The following CDH9 variants were observed in gnomAD, a reference collection of about 807,000 sequenced individuals.
CDH9 encodes cadherin-9.
In CDH9, 28 loss-of-function variants were observed where a neutral mutation model predicts 70.9. That is an observed-to-expected ratio of 0.40 (90% CI 0.29 to 0.54). The LOEUF (loss-of-function observed/expected upper bound fraction) is 0.54, where lower values mean the gene tolerates loss of function less well. CDH9 is among the 20% of genes least tolerant of loss of function. The pLI, the probability that CDH9 is intolerant of heterozygous loss-of-function variation, is 0.59. For missense variants in CDH9, 874 were observed against 984.4 expected (o/e 0.89, Z 1.50); for synonymous variants, 409 against 343.1 (o/e 1.19, Z -2.12).
chr5:26,932,107 C>T (rs935223706), intron 2 of CDH9, among the ~76,000 whole-genome samples: 1 of 139,218 alleles, frequency 7.2e-6, no homozygotes, highest in African/African-American at 2.6e-5. Flanking sequence ...AGTGTTATTA[C>T]TTTTCAAATA....
chr5:26,915,941 A>G lies in CDH9; in HGVS notation c.229-17T>C. Reference sequence around the variant, plus strand: ...AGTGTGAAGCTTTAGAGAGGTAGAAAAGAAGAGTTCTGTAAATATATACAT... The same window carrying G: ...AGTGTGAAGCTTTAGAGAGGTAGAAGAGAAGAGTTCTGTAAATATATACAT... On this transcript the variant is annotated splice_polypyrimidine_tract_variant and intron_variant, in intron 2 of 11. Coordinates refer to ENST00000231021, the MANE Select transcript of CDH9 (RefSeq NM_016279.4). 6.5e-7 allele frequency: 1 copy of G among 1,547,612 alleles called. No homozygotes were observed. Among genetic ancestry groups the G allele is most frequent in the East Asian group, 2.3e-5 (1 of 44,384 alleles).
At chr5:26,882,877 T>G in intron 11 of CDH9, among the ~76,000 whole-genome samples, 1 of 151,316 alleles carries the variant, frequency 6.6e-6, no homozygotes, top group Admixed American at 6.6e-5. Flanking sequence ...GTGAGGCCCC[T>G]ATAACTACAC....
rs1395936852 is a variant in CDH9 at position 26,915,634 on chromosome 5, T to C, written c.519A>G (p.Gly173=). Residue 173 remains glycine (G), a synonymous_variant, in exon 3 of 12, where the codon GGA becomes GGG. Transcript: ENST00000231021. ...LYTASVPEMS[G]VGTSVIQVTA... Reference sequence around the variant, plus strand: ...CATGGATTAGAATATACCTACCGACTCCAGACATTTCAGGAACACTGGCAG... The same window carrying C: ...CATGGATTAGAATATACCTACCGACCCCAGACATTTCAGGAACACTGGCAG... 2 of 1,577,874 alleles carry C rather than the reference T, an allele frequency of 1.3e-6. No homozygotes were observed. Among genetic ancestry groups the C allele is most frequent in the Admixed American group, 3.3e-5 (2 of 59,872 alleles).
chr5:26,987,091 C>CTTTT (rs201154706), intron 2 of CDH9, among the ~76,000 whole-genome samples: 9 of 108,262 alleles, frequency 8.3e-5, no homozygotes, highest in East Asian at 3.3e-4. Context: ...CACTTGTATT[C>CTTTT]TTTTTTTTTT....
chr5:26,897,737 C>A (rs1203193794), intron 7 of CDH9, among the ~76,000 whole-genome samples: 1 of 152,186 alleles, frequency 6.6e-6, no homozygotes, highest in African/African-American at 2.4e-5. Flanking sequence ...AGGCTGGAAA[C>A]ATTCCCTTTG....
chr5:26,883,070 T>C (rs1470962368), intron 11 of CDH9, among the ~76,000 whole-genome samples: 3 of 127,798 alleles, frequency 2.3e-5, no homozygotes, highest in Non-Finnish European at 5.0e-5. Flanking sequence ...TATATATATA[T>C]ATATATATAT....
chr5:26,902,500 G>T lies in CDH9; in HGVS notation c.1229C>A (p.Pro410Gln), dbSNP rs1349538432. The stretch of plus-strand genomic sequence containing the variant: ...CTTTATTAAATTGTTCCTGGCATCT[G>T]GATCGTATGCTGTAACCTGTCCAAT... ...SIIGQVTAYDPDARNNLIKYS... is the reference protein window; with the variant it reads ...SIIGQVTAYDQDARNNLIKYS... The change falls in exon 7 of 12, where the codon CCA becomes CAA. Residue 410 changes from proline to glutamine, a missense_variant. Pro to Gln is a moderately conservative substitution (Grantham distance 76, BLOSUM62 -1). Coordinates refer to ENST00000231021, the MANE Select transcript of CDH9 (RefSeq NM_016279.4). The T allele has an allele frequency of 1.0e-5, 16 of 1,603,788 alleles. No individual in the cohort carries two copies. In the African/African-American group the frequency reaches 1.3e-4, roughly 13 times the overall value.
At chr5:26,938,414 C>T (rs559661454) in intron 2 of CDH9, among the ~76,000 whole-genome samples, 252 of 151,944 alleles carry the variant, frequency 1.7e-3, no homozygotes, top group Non-Finnish European at 2.5e-3. Flanking sequence ...TTGCTCAACA[C>T]ATTATGCTTT....
chr5:26,976,979 T>C (rs1174158889), intron 2 of CDH9, among the ~76,000 whole-genome samples: 4 of 152,004 alleles, frequency 2.6e-5, no homozygotes, highest in Non-Finnish European at 5.9e-5. Context: ...TAAATGAAGA[T>C]TTCAGAATCT....
At chr5:26,948,745 G>C (rs1292335316) in intron 2 of CDH9, among the ~76,000 whole-genome samples, 1 of 152,212 alleles carries the variant, frequency 6.6e-6, no homozygotes, top group Non-Finnish European at 1.5e-5. Context: ...AGAGAAGTGT[G>C]TTAATCAATA....
intron 2 of CDH9, among the ~76,000 whole-genome samples, chr5:26,987,485 A>G (rs543620855): frequency 2.1e-4 from 32 of 152,110 alleles, no homozygotes; most frequent in South Asian, 1.2e-3. Context: ...CTAAACACCA[A>G]TGAAAGAGAG....
At chr5:26,883,428 C>T (rs62346376) in intron 11 of CDH9, among the ~76,000 whole-genome samples, 49,833 of 151,226 alleles carry the variant, frequency 0.33, 8,722 homozygotes, top group Middle Eastern at 0.52. Context: ...TAATCTGGGG[C>T]ACGTGAACAG....
At chr5:26,967,081 C>T (rs1007756869) in intron 2 of CDH9, among the ~76,000 whole-genome samples, 1 of 151,896 alleles carries the variant, frequency 6.6e-6, no homozygotes, top group Non-Finnish European at 1.5e-5. Context: ...CACATACATG[C>T]CACACCACGC....
intron 1 of CDH9, among the ~76,000 whole-genome samples, chr5:27,012,698 T>C (rs1271620764): frequency 1.3e-5 from 2 of 152,044 alleles, no homozygotes; most frequent in Non-Finnish European, 2.9e-5. Flanking sequence ...AAGTATCCCT[T>C]GGTTTCAAAG....
At chr5:27,035,699 TGTGTGTGTGTGG>T (rs1743380942) in intron 1 of CDH9, among the ~76,000 whole-genome samples, 7 of 150,866 alleles carry the variant, frequency 4.6e-5, no homozygotes, top group Non-Finnish European at 7.4e-5. Context: ...TGTGTGTGTG[TGTGTGTGTGTGG>T]GTGTGTGTGG....
chr5:27,010,676 A>G (rs1433331367), intron 1 of CDH9, among the ~76,000 whole-genome samples: 1 of 152,100 alleles, frequency 6.6e-6, no homozygotes, highest in Admixed American at 6.6e-5. Context: ...ATTCATCTTC[A>G]TCTTTTTAGA....
rs182847464 is a variant in CDH9 at position 26,991,090 on chromosome 5, A to G, written c.-49-2708T>C. ...TAGAAAAGATCAACTGGTGCAGACT[A>G]GAAAATAGGTTAGAGGGCAGGAAAG... On this transcript the variant is annotated intron_variant, in intron 1 of 11. Coordinates refer to ENST00000231021, the MANE Select transcript of CDH9 (RefSeq NM_016279.4). 3.2e-4 allele frequency among the ~76,000 whole-genome samples: 48 copies of G among 152,296 alleles called. 1 individual carries two copies. Among genetic ancestry groups the G allele is most frequent in the African/African-American group, 9.1e-4 (38 of 41,564 alleles).
chr5:26,991,464 G>A (rs965928220), intron 1 of CDH9, among the ~76,000 whole-genome samples: 7 of 152,084 alleles, frequency 4.6e-5, no homozygotes, highest in African/African-American at 1.2e-4. Flanking sequence ...TATTATCTAC[G>A]TTCTAGAGCT....
Position 26,988,287 on chromosome 5 carries a change from A to G in CDH9, c.47T>C (p.Phe16Ser), listed in dbSNP as rs1446739727. The G allele has an allele frequency of 6.2e-7, 1 of 1,613,326 alleles. No homozygotes were observed. Among genetic ancestry groups the G allele is most frequent in the Non-Finnish European group, 8.5e-7 (1 of 1,179,492 alleles). Residue 16 changes from phenylalanine to serine, a missense_variant, in exon 2 of 12, where the codon TTC becomes TCC. By Grantham distance (155) the Phe-to-Ser change is radical. Transcript: ENST00000231021. Reference sequence around the variant, plus strand: ...TAATAGGATGGTGTCAACTGTATGGAACATATAGGTCCAGATGAATAATGG... The same window carrying G: ...TAATAGGATGGTGTCAACTGTATGGGACATATAGGTCCAGATGAATAATGG... ...YIPLFIWTYM[F>S]HTVDTILLQE...
Sources: allele counts gnomAD v4.1 joint callset (sites outside exome capture counted in the v4.1 genomes callset), GRCh38; gene constraint gnomAD v4.1.1; transcripts MANE v1.5; gene names NCBI Gene and HGNC (gene_info 2026-07-23, HGNC 2026-07-21).